FYB1: variants seen among roughly 807,000 people sequenced by gnomAD.
FYB1 encodes FYN binding protein 1.
A neutral mutation model predicts 94.1 loss-of-function variants in FYB1; 41 were observed. That is an observed-to-expected ratio of 0.44 (90% CI 0.34 to 0.57). The LOEUF is 0.57. Ranked by LOEUF, FYB1 falls within the 20% of genes least tolerant of loss-of-function variation. FYB1 has a pLI of 0.02. For missense variants in FYB1, 1,050 were observed against 976.8 expected (o/e 1.07, Z -1.00); for synonymous variants, 367 against 353.2 (o/e 1.04, Z -0.44).
At chr5:39,247,410 T>C (rs1442572795) in intron 1 of FYB1, among the ~76,000 whole-genome samples, 8 of 152,072 alleles carry the variant, frequency 5.3e-5, no homozygotes. Context: ...TTAGTACGTA[T>C]GCACAAATAG....
chr5:39,179,704 C>T (rs1746044377), intron 2 of FYB1, among the ~76,000 whole-genome samples: 1 of 152,086 alleles, frequency 6.6e-6, no homozygotes. Flanking sequence ...GTCTCAAACT[C>T]CTGACCTCAG....
intron 1 of FYB1, among the ~76,000 whole-genome samples, chr5:39,213,324 T>C (rs1191197467): frequency 6.6e-6 from 1 of 152,186 alleles, no homozygotes; most frequent in African/African-American, 2.4e-5. Flanking sequence ...GTTTTCATTG[T>C]CTTTGTCATA....
At chr5:39,157,083 G>A (rs1032378252) in intron 2 of FYB1, among the ~76,000 whole-genome samples, 1 of 152,078 alleles carries the variant, frequency 6.6e-6, no homozygotes, top group Non-Finnish European at 1.5e-5. Flanking sequence ...TTATTATCTA[G>A]CTTCCATTTG....
At chr5:39,247,071 CATAT>C (rs3085950) in intron 1 of FYB1, among the ~76,000 whole-genome samples, 12,462 of 65,210 alleles carry the variant, frequency 0.19, 905 homozygotes, top group Non-Finnish European at 0.22. Flanking sequence ...AATGCGTGTT[CATAT>C]ATATATATAT....
chr5:39,160,532 T>G (rs1034868053), intron 2 of FYB1, among the ~76,000 whole-genome samples: 1 of 152,190 alleles, frequency 6.6e-6, no homozygotes, highest in Non-Finnish European at 1.5e-5. Context: ...AGAAACAATT[T>G]TCAACATGAG....
At chr5:39,225,498 T>C (rs1000320267) in intron 1 of FYB1, among the ~76,000 whole-genome samples, 2 of 152,226 alleles carry the variant, frequency 1.3e-5, no homozygotes, top group Non-Finnish European at 2.9e-5. Context: ...AGTGCACTTA[T>C]GAAAACTCAC....
At chr5:39,179,841 T>C (rs1179654448) in intron 2 of FYB1, among the ~76,000 whole-genome samples, 1 of 152,104 alleles carries the variant, frequency 6.6e-6, no homozygotes, top group Non-Finnish European at 1.5e-5. Flanking sequence ...CACCCCTACC[T>C]CCTCTCCTCA....
chr5:39,247,073 T>C (rs1751507598), intron 1 of FYB1, among the ~76,000 whole-genome samples: 1 of 18,402 alleles, frequency 5.4e-5, no homozygotes, highest in South Asian at 1.9e-3. Context: ...TGCGTGTTCA[T>C]ATATATATAT....
intron 2 of FYB1, chr5:39,170,090 C>A: frequency 1.2e-6 from 1 of 846,990 alleles, no homozygotes; most frequent in East Asian, 2.5e-5. Context: ...GCAGTGCCAG[C>A]TAAGATGGTG....
intron 1 of FYB1, among the ~76,000 whole-genome samples, chr5:39,213,335 T>C (rs766399114): frequency 6.6e-6 from 1 of 152,212 alleles, no homozygotes; most frequent in Non-Finnish European, 1.5e-5. Flanking sequence ...CTTTGTCATA[T>C]AGTTACTAGT....
intron 2 of FYB1, among the ~76,000 whole-genome samples, chr5:39,163,143 T>C (rs1744413796): frequency 6.6e-6 from 1 of 152,198 alleles, no homozygotes; most frequent in Admixed American, 6.5e-5. Flanking sequence ...TTAGAAAATC[T>C]AGTTTTACGG....
At chr5:39,165,415 G>A (rs1430237769) in intron 2 of FYB1, among the ~76,000 whole-genome samples, 1 of 151,210 alleles carries the variant, frequency 6.6e-6, no homozygotes, top group Non-Finnish European at 1.5e-5. Flanking sequence ...AATAAATGGT[G>A]CTGGGAAAAT....
chr5:39,203,230 A>C (rs566907241), intron 1 of FYB1, among the ~76,000 whole-genome samples: 2 of 152,260 alleles, frequency 1.3e-5, no homozygotes, highest in East Asian at 3.9e-4. Flanking sequence ...GCTTATTTTT[A>C]CTTAAGGAAC....
chr5:39,186,814 A>G (rs1486978353), intron 2 of FYB1, among the ~76,000 whole-genome samples: 2 of 152,076 alleles, frequency 1.3e-5, no homozygotes, highest in Non-Finnish European at 2.9e-5. Flanking sequence ...ATGATGTACT[A>G]GGAACTGTGC....
intron 13 of FYB1, among the ~76,000 whole-genome samples, chr5:39,122,861 G>A (rs951967541): frequency 4.6e-5 from 7 of 151,788 alleles, no homozygotes; most frequent in African/African-American, 1.2e-4. Flanking sequence ...CCTTTCCTTC[G>A]CCTCATTGAT....
chr5:39,205,404 T>C (rs763341884), intron 1 of FYB1, among the ~76,000 whole-genome samples: 4 of 152,188 alleles, frequency 2.6e-5, no homozygotes, highest in Non-Finnish European at 4.4e-5. Context: ...ATTAAACAAC[T>C]TGCTGTGTGT....
chr5:39,150,255 T>G (rs1373796243), intron 3 of FYB1, among the ~76,000 whole-genome samples: 1 of 152,068 alleles, frequency 6.6e-6, no homozygotes, highest in African/African-American at 2.4e-5. Context: ...CAGTTTTCGC[T>G]TTCTGTCATA....
At chr5:39,213,281 T>C (rs1749580448) in intron 1 of FYB1, among the ~76,000 whole-genome samples, 2 of 152,188 alleles carry the variant, frequency 1.3e-5, no homozygotes. Context: ...GATTCTAAAT[T>C]CTGTGCTCAC....
intron 16 of FYB1, among the ~76,000 whole-genome samples, chr5:39,116,858 T>C (rs1739615447): frequency 6.6e-6 from 1 of 151,602 alleles, no homozygotes; most frequent in African/African-American, 2.4e-5. Flanking sequence ...AAAAAAAGAA[T>C]GTCAGACCTC....
Sources: allele counts gnomAD v4.1 joint callset (sites outside exome capture counted in the v4.1 genomes callset), GRCh38; gene constraint gnomAD v4.1.1; transcripts MANE v1.5; gene names NCBI Gene and HGNC (gene_info 2026-07-23, HGNC 2026-07-21).